MPP4: variants seen among roughly 807,000 people sequenced by gnomAD.
MPP4 encodes the protein MAGUK p55 subfamily member 4.
In MPP4, 91 loss-of-function variants were observed where a neutral mutation model predicts 98.3. The ratio of observed to expected loss-of-function variants is 0.93; its 90% CI spans 0.78 to 1.10. The LOEUF (loss-of-function observed/expected upper bound fraction) is 1.10. Ranked by LOEUF, MPP4 falls within the 50% of genes least tolerant of loss-of-function variation. MPP4 has a pLI of 0.00. For synonymous variants in MPP4, 261 were observed against 271.8 expected, an observed-to-expected ratio of 0.96 and a Z score of 0.39; for missense variants, 744 against 792.9, an observed-to-expected ratio of 0.94 and a Z score of 0.74.
chr2:201,690,686 C>T (rs986950958), intron 3 of MPP4, among the ~76,000 whole-genome samples: 3 of 152,136 alleles, frequency 2.0e-5, no homozygotes, highest in South Asian at 2.1e-4. Flanking sequence ...CTGTGTTGGG[C>T]GCCTGTGCAG....
chr2:201,678,576 T>C (rs1024665533), intron 10 of MPP4, among the ~76,000 whole-genome samples: 1 of 152,184 alleles, frequency 6.6e-6, no homozygotes, highest in East Asian at 1.9e-4. Flanking sequence ...TCGGAGGCTC[T>C]GCTGATTTCT....
At position 201,685,114 on chromosome 2, in the gene MPP4, CCT is replaced by C. The variant is rs769087195; in HGVS notation, c.522_523del (p.Asp176HisfsTer33). ...GATGATCCTGGCCACCAAGATGTCC[CCT>C]GTCATCTCGTGGCGCTTGATGGTGG... On this transcript the variant is annotated frameshift_variant, in exon 7 of 22. Transcript: ENST00000409474. LOFTEE classifies it high-confidence loss of function. 2 of 1,611,814 alleles carry C rather than the reference CCT, an allele frequency of 1.2e-6. No homozygotes were observed. Among genetic ancestry groups the C allele is most frequent in the African/African-American group, 1.3e-5 (1 of 74,850 alleles).
Position 201,647,680 on chromosome 2 carries a change from C to G in MPP4, c.1719+11G>C. On this transcript the variant is annotated intron_variant, in intron 21 of 21. Transcript: ENST00000409474. ...CTGAAAGCAATACAGTAGTTTTTGA[C>G]TTGCTCTTACCTTGAACTTCATGTC... 1 of 1,612,012 alleles carries G rather than the reference C, an allele frequency of 6.2e-7. No individual in the cohort carries two copies. Among genetic ancestry groups the G allele is most frequent in the Non-Finnish European group, 8.5e-7 (1 of 1,178,364 alleles).
chr2:201,673,833 A>G (rs1420790661), intron 11 of MPP4, among the ~76,000 whole-genome samples: 2 of 152,180 alleles, frequency 1.3e-5, no homozygotes, highest in Admixed American at 1.3e-4. Flanking sequence ...CAGATCTGTG[A>G]TGTTGATACT....
At chr2:201,655,433 G>A (rs1189027360) in intron 17 of MPP4, among the ~76,000 whole-genome samples, 1 of 152,216 alleles carries the variant, frequency 6.6e-6, no homozygotes, top group East Asian at 1.9e-4. Flanking sequence ...ATGCTTAGAA[G>A]GATACTGTGC....
intron 14 of MPP4, chr2:201,661,420 A>T (rs1477349321): frequency 2.2e-6 from 1 of 456,450 alleles, no homozygotes; most frequent in Non-Finnish European, 4.4e-6. Context: ...TGCTTAGAAA[A>T]TATGCCAGCT....
chr2:201,657,965 T>TG lies in MPP4; in HGVS notation c.1129+511_1129+512insC, dbSNP rs1314055825. Among the ~76,000 whole-genome samples, 110 of 150,356 alleles carry TG rather than the reference T, an allele frequency of 7.3e-4. 1 individual carries two copies. The highest frequency in any genetic ancestry group is 2.2e-3 in the African/African-American group (89 of 40,556). On this transcript the variant is annotated intron_variant, in intron 16 of 21. Transcript: ENST00000409474. ...AAAGGTGGCCCCTTGTTTTTTTTTT[T>TG]TTTGTTTTTTTTTTTTCACGCTCCC...
At chr2:201,660,921 C>T (rs1281311738) in intron 14 of MPP4, among the ~76,000 whole-genome samples, 1 of 152,020 alleles carries the variant, frequency 6.6e-6, no homozygotes, top group Non-Finnish European at 1.5e-5. Context: ...TAGCCATATT[C>T]TGTTTTTTGG....
chr2:201,687,687 A>T (rs1005710206), intron 4 of MPP4, among the ~76,000 whole-genome samples: 2 of 152,194 alleles, frequency 1.3e-5, no homozygotes, highest in African/African-American at 4.8e-5. Context: ...CTTTTCCTCT[A>T]GTGCCTCTAA....
intron 3 of MPP4, among the ~76,000 whole-genome samples, chr2:201,691,920 C>G (rs369488688): frequency 2.0e-5 from 3 of 152,176 alleles, no homozygotes; most frequent in East Asian, 1.9e-4. Context: ...TTTTAAAGCA[C>G]TTTTATTTAT....
chr2:201,693,382 C>A (rs1034399788), intron 2 of MPP4, among the ~76,000 whole-genome samples: 2 of 152,086 alleles, frequency 1.3e-5, no homozygotes, highest in African/African-American at 2.4e-5. Context: ...TCGTTTATCC[C>A]AAAATTATCT....
chr2:201,666,268 A>G, intron 13 of MPP4, 66 bp downstream of exon 13: 1 of 1,403,886 alleles, frequency 7.1e-7, no homozygotes, highest in Non-Finnish European at 9.7e-7. Context: ...CCTCTGCTTC[A>G]GATAATCTAT....
rs758727930 is a variant in MPP4, at chr2:201,694,378, C to T, written c.-100-324G>A. Among the ~76,000 whole-genome samples the T allele has an allele frequency of 1.4e-4, 21 of 152,114 alleles. 1 individual carries two copies. Among genetic ancestry groups the T allele is most frequent in the Non-Finnish European group, 2.8e-4 (19 of 68,024 alleles). ...ATCATTAGAGCTCAGAAAAGTCTTG[C>T]GTGGACCAGCTCCACTCAGGTGCCC... On this transcript the variant is annotated intron_variant, in intron 1 of 21. Coordinates refer to ENST00000409474, the MANE Select transcript of MPP4 (RefSeq NM_033066.3).
At chr2:201,687,423 CT>C (rs1244483396) in intron 4 of MPP4, 52 bp from the exon 5 acceptor site, 28 of 1,373,466 alleles carry the variant, frequency 2.0e-5, no homozygotes, top group Non-Finnish European at 2.6e-5. Context: ...TCTTTATCAC[CT>C]ACTTAACCTC....
intron 10 of MPP4, among the ~76,000 whole-genome samples, chr2:201,678,811 C>T (rs1165197863): frequency 6.6e-6 from 1 of 152,102 alleles, no homozygotes; most frequent in East Asian, 1.9e-4. Flanking sequence ...CATCATCCCA[C>T]TACTTTTCTG....
At chr2:201,656,471 T>C (rs1421816827) in intron 16 of MPP4, 103 bp from the exon 17 acceptor site, 23 of 1,148,910 alleles carry the variant, frequency 2.0e-5, no homozygotes, top group South Asian at 5.2e-5. Flanking sequence ...AAAGTGTTCA[T>C]TAATATAGTC....
intron 18 of MPP4, chr2:201,650,578 T>C (rs1687686785): frequency 1.0e-6 from 1 of 985,322 alleles, no homozygotes; most frequent in South Asian, 4.7e-5. Flanking sequence ...TTACCTTAGG[T>C]AAACTGTTAA....
At chr2:201,665,119 G>A (rs1269764331) in intron 13 of MPP4, 3 of 146,512 alleles carry the variant, frequency 2.0e-5, no homozygotes, top group African/African-American at 5.1e-5. Flanking sequence ...AGGCTGGAGT[G>A]CAGTGGCGCA....
intron 5 of MPP4, 84 bp from the exon 6 acceptor site, chr2:201,686,134 A>G (rs1688822668): frequency 1.3e-6 from 2 of 1,492,268 alleles, no homozygotes; most frequent in African/African-American, 1.4e-5. Flanking sequence ...ACTATCTAAG[A>G]CACAGCAACA....
Sources: allele counts gnomAD v4.1 joint callset (sites outside exome capture counted in the v4.1 genomes callset), GRCh38; gene constraint gnomAD v4.1.1; transcripts MANE v1.5; gene names NCBI Gene and HGNC (gene_info 2026-07-23, HGNC 2026-07-21).